The following CDK13 variants were observed in gnomAD, a reference collection of about 807,000 sequenced individuals.
CDK13 encodes the protein cyclin-dependent kinase 13.
Under a neutral mutation model 137.6 loss-of-function variants are expected in CDK13, and 40 were observed. The observed-to-expected ratio is 0.29, with a 90% confidence interval of 0.23 to 0.38. The LOEUF is 0.38. Ranked by LOEUF, CDK13 falls within the 10% of genes least tolerant of loss-of-function variation. The pLI is 1.00. For missense variants in CDK13, 1,704 were observed against 1,951.8 expected (o/e 0.87, Z 2.39); for synonymous variants, 869 against 760.1 (o/e 1.14, Z -2.36).
intron 11 of CDK13, among the ~76,000 whole-genome samples, chr7:40,087,807 C>T (rs1489965792): frequency 6.6e-6 from 1 of 152,060 alleles, no homozygotes; most frequent in Non-Finnish European, 1.5e-5. Context: ...TGTCGGCCTC[C>T]CAAAGTGCTG....
chr7:40,065,637 T>G (rs1786264092), intron 9 of CDK13, among the ~76,000 whole-genome samples: 1 of 152,162 alleles, frequency 6.6e-6, no homozygotes, highest in Non-Finnish European at 1.5e-5. Flanking sequence ...TAAAAATCCA[T>G]GGGCTAATAA....
intron 5 of CDK13, among the ~76,000 whole-genome samples, chr7:40,037,834 C>G (rs17496484): frequency 0.013 from 1,977 of 152,258 alleles, 32 homozygotes; most frequent in African/African-American, 0.046. Flanking sequence ...AAAAAGACTA[C>G]TGAATGCAGT....
At chr7:40,030,288 G>C (rs10233552) in intron 5 of CDK13, among the ~76,000 whole-genome samples, 34,594 of 151,464 alleles carry the variant, frequency 0.23, 6,921 homozygotes, top group African/African-American at 0.52. Context: ...GAGAGAGAGA[G>C]AGAGAAAGTC....
intron 2 of CDK13, among the ~76,000 whole-genome samples, chr7:39,995,702 T>C (rs1784546838): frequency 6.6e-6 from 1 of 152,180 alleles, no homozygotes; most frequent in South Asian, 2.1e-4. Context: ...CTGTGTAATA[T>C]ATTACTTTAA....
At chr7:40,082,884 T>C (rs559983381) in intron 11 of CDK13, among the ~76,000 whole-genome samples, 15 of 151,520 alleles carry the variant, frequency 9.9e-5, no homozygotes, top group Admixed American at 8.5e-4. Flanking sequence ...GTGGATCCCT[T>C]GAGCCCATGA....
intron 11 of CDK13, 54 bp downstream of exon 11, chr7:40,078,905 T>A: frequency 1.5e-6 from 1 of 661,944 alleles, no homozygotes; most frequent in Non-Finnish European, 2.0e-6. Flanking sequence ...ATTTATTATA[T>A]TAAAACAGTT....
At chr7:40,034,840 C>G (rs1785449301) in intron 5 of CDK13, among the ~76,000 whole-genome samples, 1 of 152,114 alleles carries the variant, frequency 6.6e-6, no homozygotes, top group South Asian at 2.1e-4. Flanking sequence ...TTAGTACTTT[C>G]TTGAAAACTG....
In CDK13 at chr7:40,094,644, C is replaced by T; in HGVS notation, c.4203C>T (p.Pro1401=). 1 of 1,614,148 alleles carries T rather than the reference C, an allele frequency of 6.2e-7. No homozygotes were observed. The highest frequency in any genetic ancestry group is 8.5e-7 in the Non-Finnish European group (1 of 1,180,020). The change falls in exon 14 of 14, where the codon CCC becomes CCT. Residue 1401 remains proline (P), a synonymous_variant. Transcript: ENST00000181839. ...CTTCTGCCTTTTCTGAGTCATTTCC[C>T]AGTTCAGTAGCTGGATATGGAGACA... is the stretch of plus-strand genomic sequence containing the variant. The part of the protein sequence containing the change: ...PQPSAFSESF[P]SSVAGYGDIY...
chr7:40,053,439 T>C (rs753825937), intron 7 of CDK13, among the ~76,000 whole-genome samples: 3 of 152,214 alleles, frequency 2.0e-5, no homozygotes, highest in Non-Finnish European at 4.4e-5. Context: ...TTCTCCCTTA[T>C]GGTCTTCTCT....
In CDK13 at chr7:39,951,458, G is replaced by C. The variant is rs1326258771; in HGVS notation, c.817G>C (p.Asp273His). ...ATCCAGCAGCAGTAGCAGCCGCAAG[G>C]ACCGGGACTCGAAGGCCCACCGCAG... is the stretch of plus-strand genomic sequence containing the variant. ...ATSSSSSSRK[D>H]RDSKAHRSRT... Residue 273 changes from aspartate to histidine, a missense_variant, in exon 1 of 14, where the codon GAC becomes CAC. Transcript: ENST00000181839. 1.3e-6 allele frequency: 2 copies of C among 1,538,550 alleles called. No individual in the cohort carries two copies. The highest frequency in any genetic ancestry group is 1.7e-6 in the Non-Finnish European group (2 of 1,143,302).
chr7:40,035,137 A>G (rs144835182), intron 5 of CDK13, among the ~76,000 whole-genome samples: 3 of 152,346 alleles, frequency 2.0e-5, no homozygotes, highest in East Asian at 1.9e-4. Flanking sequence ...CTTTCCTACC[A>G]TAATGAAATT....
intron 11 of CDK13, among the ~76,000 whole-genome samples, chr7:40,081,528 GTATT>G (rs1242312798): frequency 6.6e-6 from 1 of 152,068 alleles, no homozygotes. Context: ...CTAATGTAAA[GTATT>G]TATGCTAGAA....
intron 9 of CDK13, chr7:40,072,498 C>T (rs1012009308): frequency 6.6e-6 from 1 of 152,192 alleles, no homozygotes; most frequent in African/African-American, 2.4e-5. Context: ...AAGACTACAT[C>T]CTGTTAATAT....
intron 9 of CDK13, chr7:40,072,019 T>G (rs568382814): frequency 1.4e-4 from 21 of 152,332 alleles, no homozygotes; most frequent in Non-Finnish European, 2.8e-4. Flanking sequence ...CATATTTTGT[T>G]GTACAGTAGA....
intron 1 of CDK13, 136 bp from the exon 2 acceptor site, chr7:39,987,463 T>A (rs1583949594): frequency 1.3e-6 from 1 of 792,486 alleles, no homozygotes; most frequent in East Asian, 3.0e-5. Flanking sequence ...TTTTTATTTT[T>A]CAAAACTTCA....
intron 2 of CDK13, among the ~76,000 whole-genome samples, chr7:39,994,643 T>C (rs1282850739): frequency 2.0e-5 from 3 of 152,178 alleles, no homozygotes; most frequent in Non-Finnish European, 2.9e-5. Flanking sequence ...TTAGAACTTT[T>C]GCTTTTTTAA....
At chr7:39,952,199 T>G (rs1336879884) in intron 1 of CDK13, 1 of 207,374 alleles carries the variant, frequency 4.8e-6, no homozygotes, top group East Asian at 1.0e-4. Context: ...TAGAGGTGGT[T>G]TAAGTCTTAA....
chr7:40,046,709 A>G (rs180810329), intron 6 of CDK13, among the ~76,000 whole-genome samples: 2 of 152,092 alleles, frequency 1.3e-5, no homozygotes, highest in East Asian at 1.9e-4. Context: ...GTTGTGTTAC[A>G]TAGCTGTTAG....
chr7:40,077,526 T>C (rs1226048286), intron 9 of CDK13, among the ~76,000 whole-genome samples: 1 of 152,216 alleles, frequency 6.6e-6, no homozygotes, highest in Non-Finnish European at 1.5e-5. Context: ...TGAAAATAAA[T>C]TAATTTCTTA....
Sources: allele counts gnomAD v4.1 joint callset (sites outside exome capture counted in the v4.1 genomes callset), GRCh38; gene constraint gnomAD v4.1.1; transcripts MANE v1.5; gene names NCBI Gene and HGNC (gene_info 2026-07-23, HGNC 2026-07-21).